The following CRACD variants were observed in gnomAD, a reference collection of about 807,000 sequenced individuals.
CRACD encodes capping protein-inhibiting regulator of actin dynamics.
Under a neutral mutation model 106.8 loss-of-function variants are expected in CRACD, and 56 were observed. The ratio of observed to expected loss-of-function variants is 0.52; its 90% CI spans 0.42 to 0.66. The LOEUF is 0.66. Among genes scored for constraint, CRACD ranks in the 30% least tolerant of loss-of-function variants. The pLI is 0.00. For synonymous variants in CRACD, 754 were observed against 670.8 expected, an observed-to-expected ratio of 1.12 and a Z score of -1.92; for missense variants, 1,730 against 1,623.2, an observed-to-expected ratio of 1.07 and a Z score of -1.13.
At chr4:56,278,805 A>C (rs1241378346) in intron 3 of CRACD, among the ~76,000 whole-genome samples, 6 of 152,142 alleles carry the variant, frequency 3.9e-5, no homozygotes, top group Admixed American at 6.6e-5. Context: ...CCCCCTCCCC[A>C]AATTTTTTTT....
chr4:56,077,349 A>G (rs1373125356), intron 1 of CRACD, among the ~76,000 whole-genome samples: 2 of 152,216 alleles, frequency 1.3e-5, no homozygotes, highest in Non-Finnish European at 2.9e-5. Context: ...GTTCCCTCCT[A>G]TGGGTCCCTC....
chr4:56,112,115 G>A (rs1264052128), intron 1 of CRACD, among the ~76,000 whole-genome samples: 1 of 152,156 alleles, frequency 6.6e-6, no homozygotes, highest in Non-Finnish European at 1.5e-5. Flanking sequence ...TTCTTGCTAG[G>A]CGGGAGTCAG....
intron 2 of CRACD, among the ~76,000 whole-genome samples, chr4:56,183,235 A>AAAAATAAAATAAAAT (rs201101283): frequency 0.05 from 6,194 of 124,350 alleles, 282 homozygotes; most frequent in African/African-American, 0.089. Flanking sequence ...CTCCGTCTCA[A>AAAAATAAAATAAAAT]AAAATAAAAT....
At position 56,314,164 on chromosome 4, in the gene CRACD, G is replaced by A; in HGVS notation, c.662G>A (p.Arg221Lys). The A allele has an allele frequency of 1.2e-6, 2 of 1,613,978 alleles. No individual in the cohort carries two copies. The highest frequency in any genetic ancestry group is 1.7e-6 in the Non-Finnish European group (2 of 1,179,936). Reference sequence around the variant, plus strand: ...AATCCGCTGGATTCCGAGGAAGAGAGAAGACGCCAAGAAGACTACTGGCGA... The same window carrying A: ...AATCCGCTGGATTCCGAGGAAGAGAAAAGACGCCAAGAAGACTACTGGCGA... ...EPNPLDSEEE[R>K]RRQEDYWREL... is the part of the protein sequence containing the mutation. The change falls in exon 8 of 11, where the codon AGA becomes AAA. Residue 221 changes from arginine (R) to lysine (K), a missense_variant. Physicochemically the swap from Arg to Lys is conservative, Grantham distance 26. Transcript: ENST00000682029. The surrounding 1 kb of genome is among the most constrained non-coding windows in gnomAD (Gnocchi z 4.4).
chr4:56,088,778 T>C (rs1426888771), intron 1 of CRACD, among the ~76,000 whole-genome samples: 2 of 151,108 alleles, frequency 1.3e-5, no homozygotes, highest in Non-Finnish European at 2.9e-5. Context: ...AGTGCAGGAG[T>C]GCAGCAGCGT....
At chr4:56,177,731 A>G (rs560810792) in intron 1 of CRACD, among the ~76,000 whole-genome samples, 90 of 152,208 alleles carry the variant, frequency 5.9e-4, no homozygotes, top group Non-Finnish European at 1.0e-3. Flanking sequence ...TATTTGTTCA[A>G]TCTTGGTAGG....
chr4:56,054,969 G>A (rs375084435), intron 1 of CRACD, among the ~76,000 whole-genome samples: 5 of 152,174 alleles, frequency 3.3e-5, no homozygotes, highest in African/African-American at 1.2e-4. Context: ...TTTGAAACTG[G>A]TACTGTATTC....
At chr4:56,286,734 T>C (rs934560851) in intron 3 of CRACD, among the ~76,000 whole-genome samples, 12 of 152,150 alleles carry the variant, frequency 7.9e-5, no homozygotes, top group African/African-American at 2.7e-4. Flanking sequence ...CGTTAACATC[T>C]TACTGTGTGT....
At chr4:56,099,922 C>T (rs1281523030) in intron 1 of CRACD, among the ~76,000 whole-genome samples, 1 of 152,142 alleles carries the variant, frequency 6.6e-6, no homozygotes, top group Admixed American at 6.5e-5. Flanking sequence ...AGGATTATTT[C>T]TAGAAAATGA....
intron 1 of CRACD, among the ~76,000 whole-genome samples, chr4:56,064,957 A>C (rs374007635): frequency 1.3e-5 from 2 of 152,158 alleles, no homozygotes; most frequent in East Asian, 1.9e-4. Flanking sequence ...TAGTCATGGG[A>C]GTTTTGGCCT....
At chr4:56,207,352 A>T (rs1489190342) in intron 2 of CRACD, among the ~76,000 whole-genome samples, 1 of 152,208 alleles carries the variant, frequency 6.6e-6, no homozygotes, top group African/African-American at 2.4e-5. Context: ...ATTTCTAATC[A>T]TTGCTTCATT....
intron 2 of CRACD, among the ~76,000 whole-genome samples, chr4:56,235,872 G>T (rs1739935955): frequency 6.6e-6 from 1 of 152,172 alleles, no homozygotes; most frequent in Admixed American, 6.5e-5. Context: ...GAGTTCAAGA[G>T]GGCATGCTTT....
chr4:56,129,692 C>T (rs1216517337), intron 1 of CRACD, among the ~76,000 whole-genome samples: 1 of 152,054 alleles, frequency 6.6e-6, no homozygotes, highest in Non-Finnish European at 1.5e-5. Flanking sequence ...GCACTGTGCC[C>T]GGCACTAGGG....
intron 1 of CRACD, among the ~76,000 whole-genome samples, chr4:56,084,833 G>T (rs1288469731): frequency 6.6e-6 from 1 of 152,120 alleles, no homozygotes; most frequent in Non-Finnish European, 1.5e-5. Flanking sequence ...ATTACCATTT[G>T]GATTTTCCTT....
chr4:56,204,503 A>T (rs1380616730), intron 2 of CRACD, among the ~76,000 whole-genome samples: 1 of 152,046 alleles, frequency 6.6e-6, no homozygotes, highest in Non-Finnish European at 1.5e-5. Context: ...TTGATCAGGA[A>T]CTCTCTTGAT....
intron 2 of CRACD, among the ~76,000 whole-genome samples, chr4:56,194,828 G>A (rs35469953): frequency 0.45 from 68,518 of 151,946 alleles, 16,025 homozygotes; most frequent in East Asian, 0.71. Context: ...AAATGGACAG[G>A]GACACCTGGG....
intron 1 of CRACD, among the ~76,000 whole-genome samples, chr4:56,061,050 G>A (rs1346378524): frequency 6.6e-6 from 1 of 152,206 alleles, no homozygotes; most frequent in Non-Finnish European, 1.5e-5. Context: ...TTGGGTAATG[G>A]AGAGCTGTCA....
At chr4:56,318,266 G>T (rs987031421) in intron 8 of CRACD, among the ~76,000 whole-genome samples, 1 of 152,146 alleles carries the variant, frequency 6.6e-6, no homozygotes. Flanking sequence ...TCGTAGGTGG[G>T]ACTACAGGTG....
chr4:56,183,289 A>AT (rs375682859), intron 2 of CRACD, among the ~76,000 whole-genome samples: 22 of 150,130 alleles, frequency 1.5e-4, no homozygotes, highest in African/African-American at 3.9e-4. Context: ...ATAAAATAAA[A>AT]AGAATTAGGG....
Sources: allele counts gnomAD v4.1 joint callset (sites outside exome capture counted in the v4.1 genomes callset), GRCh38; gene constraint gnomAD v4.1.1; non-coding constraint Gnocchi (gnomAD v3.1); transcripts MANE v1.5; gene names NCBI Gene and HGNC (gene_info 2026-07-23, HGNC 2026-07-21).